Variants in BTBD10 observed in about 807,000 individuals in gnomAD.
The protein encoded by BTBD10 is BTB domain containing 10.
A neutral mutation model predicts 53.2 loss-of-function variants in BTBD10; 21 were observed. The observed-to-expected ratio is 0.39, with a 90% CI of 0.28 to 0.57. The LOEUF is 0.57. BTBD10 is among the 20% of genes least tolerant of loss of function. BTBD10 has a pLI of 0.53. For missense variants in BTBD10, 360 were observed against 594.7 expected, an observed-to-expected ratio of 0.61 and a Z score of 4.10; for synonymous variants, 149 against 192.7, an observed-to-expected ratio of 0.77 and a Z score of 1.88.
intron 1 of BTBD10, among the ~76,000 whole-genome samples, chr11:13,445,386 T>C (rs1298780656): frequency 6.6e-6 from 1 of 152,200 alleles, no homozygotes; most frequent in Non-Finnish European, 1.5e-5. Flanking sequence ...GTCTATTAAA[T>C]CTGCTACCAC....
chr11:13,414,239 A>C (rs1391722673), intron 5 of BTBD10, among the ~76,000 whole-genome samples: 1 of 152,230 alleles, frequency 6.6e-6, no homozygotes, highest in East Asian at 1.9e-4. Flanking sequence ...CCACTTAGTA[A>C]GTTGTTAAAG....
chr11:13,402,411 G>A (rs1949733420), intron 8 of BTBD10, among the ~76,000 whole-genome samples: 1 of 152,062 alleles, frequency 6.6e-6, no homozygotes, highest in Non-Finnish European at 1.5e-5. Flanking sequence ...ACTCATTAAT[G>A]CTCTCATTTT....
At chr11:13,453,074 T>A (rs988242887) in intron 1 of BTBD10, among the ~76,000 whole-genome samples, 8 of 152,198 alleles carry the variant, frequency 5.3e-5, no homozygotes, top group African/African-American at 1.9e-4. Flanking sequence ...CACAGTATTA[T>A]TTGTCCTAGA....
At chr11:13,393,592 G>A (rs1407582693) in intron 8 of BTBD10, among the ~76,000 whole-genome samples, 1 of 152,006 alleles carries the variant, frequency 6.6e-6, no homozygotes, top group Non-Finnish European at 1.5e-5. Context: ...GGCTATTGGT[G>A]TACATATTAG....
Position 13,453,731 on chromosome 11 carries a change from T to C in BTBD10, c.-57-8550A>G, listed in dbSNP as rs1390948183. On this transcript the variant is annotated intron_variant, in intron 1 of 8. Transcript: ENST00000278174. ...TCCCCACAGCCTAGCACAATTTGTA[T>C]GTAAGCTTTTACAAAATGTTAACTA... is the stretch of plus-strand genomic sequence containing the variant. Among the ~76,000 whole-genome samples, 3 of 152,176 alleles carry C rather than the reference T, an allele frequency of 2.0e-5. No homozygotes were observed. The South Asian group carries it at 6.2e-4, about 31-fold the overall frequency.
At chr11:13,441,838 C>A (rs906885605) in intron 2 of BTBD10, among the ~76,000 whole-genome samples, 2 of 152,070 alleles carry the variant, frequency 1.3e-5, no homozygotes, top group African/African-American at 4.8e-5. Flanking sequence ...TGACAATGTG[C>A]CCAATTTAAA....
intron 8 of BTBD10, among the ~76,000 whole-genome samples, chr11:13,395,467 A>C (rs1440207795): frequency 1.3e-5 from 2 of 151,962 alleles, no homozygotes; most frequent in African/African-American, 4.8e-5. Context: ...AGGTTGCAAA[A>C]ATTTTCTCCC....
intron 2 of BTBD10, among the ~76,000 whole-genome samples, chr11:13,441,030 T>C (rs1950638572): frequency 1.3e-5 from 2 of 152,192 alleles, no homozygotes; most frequent in African/African-American, 4.8e-5. Context: ...CATACAAGTA[T>C]ATAACTATGC....
intron 1 of BTBD10, among the ~76,000 whole-genome samples, chr11:13,458,287 T>C (rs1348351967): frequency 6.8e-6 from 1 of 147,124 alleles, no homozygotes; most frequent in East Asian, 2.0e-4. Flanking sequence ...CACGGACAGC[T>C]GTATATATGT....
At chr11:13,420,495 T>C (rs1012483770) in intron 3 of BTBD10, among the ~76,000 whole-genome samples, 1 of 152,148 alleles carries the variant, frequency 6.6e-6, no homozygotes. Context: ...TTTCTTAAGA[T>C]GTTCTAATAG....
intron 7 of BTBD10, among the ~76,000 whole-genome samples, chr11:13,404,993 G>T (rs140803684): frequency 5.3e-4 from 80 of 152,152 alleles, no homozygotes; most frequent in African/African-American, 1.8e-3. Flanking sequence ...AATTCCTTGA[G>T]TCATTCTTTT....
chr11:13,402,974 T>C (rs1388673363), intron 8 of BTBD10, among the ~76,000 whole-genome samples, 194 bp downstream of exon 8: 2 of 152,150 alleles, frequency 1.3e-5, no homozygotes, highest in African/African-American at 4.8e-5. Flanking sequence ...GGAATAACAA[T>C]TTCTAATGGC....
At chr11:13,420,669 C>A (rs1391290460) in intron 3 of BTBD10, among the ~76,000 whole-genome samples, 4 of 152,234 alleles carry the variant, frequency 2.6e-5, no homozygotes, top group Non-Finnish European at 4.4e-5. Context: ...CTCTGTACAG[C>A]ATTATTGATT....
At chr11:13,412,263 G>C (rs1227745562) in intron 6 of BTBD10, among the ~76,000 whole-genome samples, 1 of 152,088 alleles carries the variant, frequency 6.6e-6, no homozygotes, top group Non-Finnish European at 1.5e-5. Context: ...AGACCAACCT[G>C]GCCAACATAG....
intron 1 of BTBD10, among the ~76,000 whole-genome samples, chr11:13,449,806 A>G (rs1359982473): frequency 1.3e-5 from 2 of 152,198 alleles, no homozygotes; most frequent in East Asian, 1.9e-4. Flanking sequence ...GCTCACTTTT[A>G]TAATAACCAG....
intron 8 of BTBD10, among the ~76,000 whole-genome samples, chr11:13,400,530 G>A (rs894207924): frequency 5.9e-5 from 9 of 152,280 alleles, no homozygotes; most frequent in African/African-American, 9.6e-5. Flanking sequence ...TTCGGCTCAC[G>A]CACGGTGCGC....
chr11:13,432,768 A>G (rs534561526), intron 2 of BTBD10, among the ~76,000 whole-genome samples: 1 of 152,230 alleles, frequency 6.6e-6, no homozygotes, highest in Admixed American at 6.5e-5. Context: ...AAGGGTTGAA[A>G]GAAAATACTG....
chr11:13,390,468 C>A (rs193225282), intron 8 of BTBD10, among the ~76,000 whole-genome samples: 3 of 151,918 alleles, frequency 2.0e-5, no homozygotes, highest in Non-Finnish European at 4.4e-5. Context: ...CTCAGCCTCT[C>A]GAGTAGCTGG....
At position 13,388,811 on chromosome 11, in the gene BTBD10, G is replaced by T; in HGVS notation, c.*20C>A. On this transcript the variant is annotated 3_prime_UTR_variant, in exon 9 of 9. Coordinates refer to ENST00000278174, the MANE Select transcript of BTBD10 (RefSeq NM_032320.7). ...GTCACTGTGAAGAGTAGCATGCTAT[G>T]GTTTCAAGGAAGATCAGCATCACAG... 6.3e-7 allele frequency: 1 copy of T among 1,597,412 alleles called. No individual in the cohort carries two copies. Among genetic ancestry groups the T allele is most frequent in the South Asian group, 1.1e-5 (1 of 88,640 alleles).
Sources: gnomAD v4.1 joint callset for allele counts (sites outside exome capture counted in the v4.1 genomes callset) on GRCh38, gnomAD v4.1.1 for gene constraint, MANE v1.5 for transcripts, NCBI Gene and HGNC (gene_info 2026-07-23, HGNC 2026-07-21) for gene names.